RFC1: variants seen among roughly 807,000 people sequenced by gnomAD.
RFC1 encodes the protein replication factor C subunit 1, also known as A1 140 kDa subunit.
RFC1 carries 37 observed loss-of-function variants against 137.4 expected under a neutral mutation model. That is an observed-to-expected ratio of 0.27 (90% CI 0.21 to 0.35). The LOEUF (loss-of-function observed/expected upper bound fraction) is 0.35. RFC1 is among the 10% of genes least tolerant of loss of function. RFC1 has a pLI of 1.00. For missense variants in RFC1, 1,205 were observed against 1,358.5 expected, an observed-to-expected ratio of 0.89 and a Z score of 1.78; for synonymous variants, 429 against 455.7, an observed-to-expected ratio of 0.94 and a Z score of 0.75.
intron 10 of RFC1, among the ~76,000 whole-genome samples, chr4:39,313,854 T>C (rs1410627637): frequency 1.3e-5 from 2 of 152,144 alleles, no homozygotes; most frequent in Non-Finnish European, 2.9e-5. Context: ...TATCTCTGGA[T>C]TGGAAAGATA....
chr4:39,302,167 G>A, intron 19 of RFC1, 111 bp downstream of exon 19: 1 of 680,582 alleles, frequency 1.5e-6, no homozygotes, highest in African/African-American at 1.8e-5. Flanking sequence ...ATATATCCCT[G>A]GATTCCACAG....
intron 1 of RFC1, among the ~76,000 whole-genome samples, chr4:39,358,631 G>A (rs1741598765): frequency 6.6e-6 from 1 of 152,190 alleles, no homozygotes; most frequent in Non-Finnish European, 1.5e-5. Flanking sequence ...ATTAAAATAA[G>A]CCAAAATGTG....
chr4:39,299,880 A>G (rs1738253212), intron 21 of RFC1, 141 bp downstream of exon 21: 5 of 621,238 alleles, frequency 8.0e-6, no homozygotes, highest in African/African-American at 1.8e-5. Context: ...ATACCACTAC[A>G]CTCCAGCCCG....
intron 4 of RFC1, among the ~76,000 whole-genome samples, chr4:39,339,799 C>T (rs1461932297): frequency 6.6e-6 from 1 of 152,082 alleles, no homozygotes; most frequent in Non-Finnish European, 1.5e-5. Context: ...TCCATAGCCA[C>T]AAATAACTAG....
intron 2 of RFC1, among the ~76,000 whole-genome samples, chr4:39,350,477 A>G (rs1741131345): frequency 6.6e-6 from 1 of 152,210 alleles, no homozygotes; most frequent in South Asian, 2.1e-4. Context: ...AAATTAAAAA[A>G]TTCTTTAATG....
chr4:39,303,205 C>T, intron 15 of RFC1, 54 bp from the exon 16 acceptor site: 2 of 1,168,618 alleles, frequency 1.7e-6, no homozygotes, highest in South Asian at 2.4e-5. Flanking sequence ...AACAATTGCT[C>T]AAAAACTGCT....
At position 39,302,731 on chromosome 4, in the gene RFC1, T is replaced by C. The variant is rs768349323; in HGVS notation, c.2340+6A>G. The C allele has an allele frequency of 1.9e-6, 3 of 1,565,528 alleles. No individual in the cohort carries two copies. The highest frequency in any genetic ancestry group is 2.1e-5 in the Admixed American group (1 of 47,150). On this transcript the variant is annotated splice_donor_region_variant and intron_variant, in intron 17 of 24. Transcript: ENST00000349703. ...TGTGATGGAAAAAAAATTTCAATCA[T>C]CATACCTTAATCTGTTCAACCCGAG...
rs983110273 is a variant in RFC1 at position 39,288,183 on chromosome 4, A to G, written c.*578T>C. 6.6e-6 allele frequency: 1 copy of G among 152,250 alleles called. No individual in the cohort carries two copies. Among genetic ancestry groups the G allele is most frequent in the African/African-American group, 2.4e-5 (1 of 41,464 alleles). The allele number at this position is 152,250 out of a possible 1,614,324, so 9.4% of individuals were successfully genotyped here. ...TACCAACATAATATTTTGCTGTACA[A>G]GATGACAATCTTAAAAAGAATTTGT... On this transcript the variant is annotated 3_prime_UTR_variant, in exon 25 of 25. Coordinates refer to ENST00000349703, the MANE Select transcript of RFC1 (RefSeq NM_002913.5).
At chr4:39,341,470 A>G (rs572806600) in intron 4 of RFC1, 3 of 373,812 alleles carry the variant, frequency 8.0e-6, no homozygotes, top group African/African-American at 2.1e-5. Flanking sequence ...TCCAAAAAAT[A>G]TGTTCACATC....
chr4:39,340,152 G>C (rs916182896), intron 4 of RFC1, among the ~76,000 whole-genome samples: 1 of 152,124 alleles, frequency 6.6e-6, no homozygotes, highest in Non-Finnish European at 1.5e-5. Context: ...AAGTAAACAA[G>C]GCCATGCTTT....
intron 5 of RFC1, among the ~76,000 whole-genome samples, chr4:39,327,034 C>G (rs1180950921): frequency 1.3e-5 from 2 of 152,148 alleles, no homozygotes; most frequent in Non-Finnish European, 2.9e-5. Flanking sequence ...ATGGGGCAGG[C>G]TTTCTTTAAC....
rs1742022895 is a variant in RFC1 at position 39,366,250 on chromosome 4, C to T, written c.-9G>A. The T allele has an allele frequency of 3.9e-6, 6 of 1,547,078 alleles. No individual in the cohort carries two copies. Among genetic ancestry groups the T allele is most frequent in the South Asian group, 1.2e-5 (1 of 83,792 alleles). On this transcript the variant is annotated 5_prime_UTR_variant, in exon 1 of 25. Coordinates refer to ENST00000349703, the MANE Select transcript of RFC1 (RefSeq NM_002913.5). ...CCCCAGCGGCTCACCATCGCAGCCC[C>T]AGGATGAAGGCGCTGGCTGGCTGGC...
chr4:39,351,398 T>C lies in RFC1; in HGVS notation c.82A>G (p.Lys28Glu). ...GCTTTTAAAGTTTCTTCATCAGACT[T>C]TGTTTTCTCATTCTTCTTTACTGTT... ...SETVKKNEKT[K>E]SDEETLKAKK... is the part of the protein sequence containing the mutation. Residue 28 changes from lysine to glutamate, a missense_variant, in exon 2 of 25, where the codon AAG (lysine) becomes GAG (glutamate). Lys to Glu is a moderately conservative substitution (Grantham distance 56, BLOSUM62 1). Transcript: ENST00000349703. The C allele has an allele frequency of 6.3e-7, 1 of 1,576,668 alleles. No homozygotes were observed. The highest frequency in any genetic ancestry group is 8.6e-7 in the Non-Finnish European group (1 of 1,166,340).
intron 4 of RFC1, among the ~76,000 whole-genome samples, chr4:39,334,059 G>A (rs1740238727): frequency 6.6e-6 from 1 of 151,678 alleles, no homozygotes; most frequent in African/African-American, 2.4e-5. Flanking sequence ...AAAAAGGGAG[G>A]GTAATTCTCA....
chr4:39,349,573 G>A (rs1397170129), intron 2 of RFC1, among the ~76,000 whole-genome samples: 1 of 152,194 alleles, frequency 6.6e-6, no homozygotes. Flanking sequence ...CACCTAATCA[G>A]CCAGTACCAT....
At chr4:39,355,308 G>A (rs1196567424) in intron 1 of RFC1, among the ~76,000 whole-genome samples, 3 of 151,460 alleles carry the variant, frequency 2.0e-5, no homozygotes, top group Non-Finnish European at 4.4e-5. Flanking sequence ...ATGCCTGCAT[G>A]CCTGTAGTCC....
chr4:39,309,055 A>T (rs1227777631), intron 12 of RFC1, 23 bp from the exon 13 acceptor site: 1 of 1,566,962 alleles, frequency 6.4e-7, no homozygotes, highest in Non-Finnish European at 8.6e-7. Flanking sequence ...AAAAATGAGG[A>T]AAAAAGAAAC....
intron 15 of RFC1, 106 bp downstream of exon 15, chr4:39,304,708 T>C: frequency 1.3e-6 from 1 of 746,962 alleles, no homozygotes; most frequent in South Asian, 1.5e-5. Context: ...CCCCAGAATT[T>C]AGTAGGGTGC....
rs771784269 is a variant in RFC1, at chr4:39,288,095, G to T, written c.*666C>A. ...GCCAATGTTATGTTTCACACAACAG[G>T]TTAGTAAGGAATACAGTGAGCTTTT... is the stretch of plus-strand genomic sequence containing the variant. On this transcript the variant is annotated 3_prime_UTR_variant, in exon 25 of 25. Coordinates refer to ENST00000349703, the MANE Select transcript of RFC1 (RefSeq NM_002913.5). The T allele has an allele frequency of 6.6e-6, 1 of 152,212 alleles. No homozygotes were observed. The highest frequency in any genetic ancestry group is 1.5e-5 in the Non-Finnish European group (1 of 68,040). The allele number at this position is 152,212 out of a possible 1,614,324, so 9.4% of individuals were successfully genotyped here. A position where few individuals can be genotyped will look rare whatever the true frequency, so the allele number is the denominator to read the frequency against.
Sources: allele counts gnomAD v4.1 joint callset (sites outside exome capture counted in the v4.1 genomes callset), GRCh38; gene constraint gnomAD v4.1.1; transcripts MANE v1.5; gene names NCBI Gene and HGNC (gene_info 2026-07-23, HGNC 2026-07-21).